EIF3A: variants seen among roughly 807,000 people sequenced by gnomAD.
EIF3A encodes the protein eukaryotic translation initiation factor 3 subunit A, also known as EIF3, p180 subunit.
EIF3A carries 21 observed loss-of-function variants against 186.6 expected under a neutral mutation model. That is an observed-to-expected ratio of 0.11 (90% CI 0.08 to 0.16). EIF3A has a LOEUF of 0.16. EIF3A is among the 10% of genes least tolerant of loss of function. The probability of loss-of-function intolerance (pLI) is 1.00; values close to 1 mark genes in which losing one functional copy is unlikely to be tolerated. For synonymous variants in EIF3A, 563 were observed against 584.3 expected (o/e 0.96, Z 0.52); for missense variants, 1,306 against 1,796.3 (o/e 0.73, Z 4.93).
At chr10:119,059,155 A>G (rs1182456737) in intron 11 of EIF3A, 57 bp downstream of exon 11, 7 of 1,371,558 alleles carry the variant, frequency 5.1e-6, no homozygotes, top group Non-Finnish European at 7.2e-6. Flanking sequence ...AAGACATGGC[A>G]TGGCGTTAAG....
chr10:119,065,104 A>C (rs1393503873), intron 7 of EIF3A, among the ~76,000 whole-genome samples: 2 of 152,156 alleles, frequency 1.3e-5, no homozygotes, highest in Non-Finnish European at 2.9e-5. Flanking sequence ...AGCCTCCATG[A>C]AATAAGCCAT....
At position 119,042,788 on chromosome 10, in the gene EIF3A, A is replaced by C; in HGVS notation, c.2748-16T>G. The C allele has an allele frequency of 6.5e-7, 1 of 1,545,674 alleles. No individual in the cohort carries two copies. The highest frequency in any genetic ancestry group is 8.7e-7 in the Non-Finnish European group (1 of 1,153,928). On this transcript the variant is annotated splice_polypyrimidine_tract_variant and intron_variant, in intron 18 of 21. Coordinates refer to ENST00000369144, the MANE Select transcript of EIF3A (RefSeq NM_003750.4). This position sits in a 1 kb window ranked among gnomAD's most constrained non-coding sequence, Gnocchi z 7.8. ...TCTCCACTCCCTACACAGCAACAAG[A>C]ACAATTAAAAATATATAAAATAAAA...
chr10:119,076,853 T>A (rs1300672235), intron 1 of EIF3A, among the ~76,000 whole-genome samples: 1 of 150,486 alleles, frequency 6.6e-6, no homozygotes, highest in East Asian at 2.0e-4. Flanking sequence ...TTAGAATCAC[T>A]TGAACCCAGG....
At chr10:119,072,742 A>T in intron 4 of EIF3A, 148 bp downstream of exon 4, 1 of 961,742 alleles carries the variant, frequency 1.0e-6, no homozygotes, top group Non-Finnish European at 1.5e-6. Context: ...GGTGTGAGCC[A>T]CCACATCCGG....
chr10:119,046,007 A>T (rs149051397), intron 17 of EIF3A, among the ~76,000 whole-genome samples: 1 of 152,246 alleles, frequency 6.6e-6, no homozygotes, highest in South Asian at 2.1e-4. Flanking sequence ...TAACAGAGCA[A>T]GAACAGAGAA....
At chr10:119,065,610 T>A in intron 6 of EIF3A, 40 bp from the exon 7 acceptor site, 1 of 1,441,770 alleles carries the variant, frequency 6.9e-7, no homozygotes, top group African/African-American at 1.4e-5. Context: ...GGTTTGTAAA[T>A]GATACTTGGT....
intron 11 of EIF3A, 78 bp downstream of exon 11, chr10:119,059,134 C>A: frequency 2.5e-6 from 3 of 1,181,458 alleles, no homozygotes; most frequent in Non-Finnish European, 3.7e-6. Flanking sequence ...TTGTCTCAAA[C>A]CTTTTTGTAA....
At chr10:119,066,716 TG>T (rs746591200) in intron 6 of EIF3A, among the ~76,000 whole-genome samples, 3 of 152,040 alleles carry the variant, frequency 2.0e-5, no homozygotes, top group Non-Finnish European at 2.9e-5. Flanking sequence ...CTGCGAGCCC[TG>T]GAGCTGAAGG....
Position 119,056,771 on chromosome 10 carries a change from A to G in EIF3A, c.2165T>C (p.Met722Thr), listed in dbSNP as rs1485265610. The G allele has an allele frequency of 1.2e-6, 2 of 1,612,220 alleles. No homozygotes were observed. The highest frequency in any genetic ancestry group is 1.7e-6 in the Non-Finnish European group (2 of 1,178,562). The part of the protein sequence containing the change: ...SAYEEQRIKD[M>T]DLWEQQEEER... ...TTCCTCTTGTTGCTCCCACAGATCC[A>G]TGTCTTTAATTCTCTGTTCCTCGTA... Residue 722 changes from methionine (M) to threonine (T), a missense_variant, in exon 14 of 22, where the codon ATG becomes ACG. By Grantham distance (81) the Met-to-Thr change is moderately conservative. Transcript: ENST00000369144.
chr10:119,072,024 C>CAAAAAAAAAAAAAAAAAA (rs56100757), intron 4 of EIF3A, among the ~76,000 whole-genome samples: 9 of 59,464 alleles, frequency 1.5e-4, no homozygotes, highest in East Asian at 5.0e-4. Context: ...GACTCTGTCT[C>CAAAAAAAAAAAAAAAAAA]AAAAAAAAAA....
intron 1 of EIF3A, among the ~76,000 whole-genome samples, chr10:119,075,964 G>C (rs1279992842): frequency 1.5e-5 from 2 of 134,776 alleles, no homozygotes; most frequent in Non-Finnish European, 3.1e-5. Flanking sequence ...CTGACCTCGT[G>C]ATCTGCCCAC....
chr10:119,049,062 A>G (rs1413476872), intron 17 of EIF3A, among the ~76,000 whole-genome samples: 2 of 152,224 alleles, frequency 1.3e-5, no homozygotes, highest in South Asian at 2.1e-4. Context: ...CGCATGCGCA[A>G]AAGTATGCTT....
chr10:119,069,777 G>T (rs1017696791), intron 5 of EIF3A, 123 bp from the exon 6 acceptor site: 1 of 623,474 alleles, frequency 1.6e-6, no homozygotes, highest in Non-Finnish European at 2.8e-6. Context: ...CCTTTGTGTG[G>T]TTCTCTTTAC....
In EIF3A at chr10:119,037,217, C is replaced by T. The variant is rs368318464; in HGVS notation, c.3821G>A (p.Arg1274His). The change falls in exon 21 of 22, where the codon CGC (arginine) becomes CAC (histidine). Residue 1274 changes from arginine to histidine, a missense_variant. By Grantham distance (29) the Arg-to-His change is conservative. Around this residue, in one of 8 missense-constraint regions of EIF3A, gnomAD observed 331 missense variants for 365.8 expected, o/e 0.90. Transcript: ENST00000369144. Reference protein sequence around the residue: ...RRDDRDRDDRRRERDDRRDLR... With the variant: ...RRDDRDRDDRHRERDDRRDLR... ...ATCACGCCGGTCATCCCTCTCACGGCGACGGTCATCCCTATCCCTATCGTC... is the reference window on the plus strand; with the variant it reads ...ATCACGCCGGTCATCCCTCTCACGGTGACGGTCATCCCTATCCCTATCGTC... 9.9e-6 allele frequency: 16 copies of T among 1,613,900 alleles called. No individual in the cohort carries two copies. The highest frequency in any genetic ancestry group is 6.6e-5 in the South Asian group (6 of 91,078).
At chr10:119,065,985 G>GGC (rs1779355367) in intron 6 of EIF3A, among the ~76,000 whole-genome samples, 1 of 151,948 alleles carries the variant, frequency 6.6e-6, no homozygotes, top group African/African-American at 2.4e-5. Flanking sequence ...GCGTAGTGGT[G>GGC]GGCGCCTGTA....
intron 6 of EIF3A, among the ~76,000 whole-genome samples, chr10:119,068,708 G>C (rs1844021175): frequency 6.6e-6 from 1 of 151,702 alleles, no homozygotes; most frequent in African/African-American, 2.4e-5. Context: ...AGGCGCGGTG[G>C]CTCACTCCTG....
chr10:119,056,972 T>C lies in EIF3A; in HGVS notation c.2046A>G (p.Lys682=). The change falls in exon 13 of 22, where the codon AAA becomes AAG. Residue 682 remains lysine (K), a synonymous_variant. Transcript: ENST00000369144. ...KQVEQLEKEK[K]ELQERLKNQE... Reference sequence around the variant, plus strand: ...GATTCTTTAGGCGTTCTTGAAGTTCTTTCTTTTCTTTCTCCAGTTGTTCAA... The same window carrying C: ...GATTCTTTAGGCGTTCTTGAAGTTCCTTCTTTTCTTTCTCCAGTTGTTCAA... 1 of 1,613,332 alleles carries C rather than the reference T, an allele frequency of 6.2e-7. No individual in the cohort carries two copies. The highest frequency in any genetic ancestry group is 8.5e-7 in the Non-Finnish European group (1 of 1,179,662).
At chr10:119,061,411 G>A in intron 7 of EIF3A, 83 bp from the exon 8 acceptor site, 2 of 566,328 alleles carry the variant, frequency 3.5e-6, no homozygotes, top group South Asian at 2.7e-5. Flanking sequence ...TGATAGCATT[G>A]GAAATCTGGA....
chr10:119,049,968 G>T lies in EIF3A; in HGVS notation c.2491C>A (p.Arg831Ser), dbSNP rs759307585. 1 of 1,613,818 alleles carries T rather than the reference G, an allele frequency of 6.2e-7. No individual in the cohort carries two copies. The highest frequency in any genetic ancestry group is 1.7e-5 in the Admixed American group (1 of 59,976). ...TCCTCGCGTTTTGCTCGTTCGGCGCGCTCTCTCTCTTCCCGCTCTAGACCA... is the reference window on the plus strand; with the variant it reads ...TCCTCGCGTTTTGCTCGTTCGGCGCTCTCTCTCTCTTCCCGCTCTAGACCA... ...QMLKEREERE[R>S]AERAKREEEL... The change falls in exon 17 of 22, where the codon CGC becomes AGC. Residue 831 changes from arginine (R) to serine (S), a missense_variant. Physicochemically the swap from Arg to Ser is moderately radical, Grantham distance 110 (BLOSUM62 -1). This residue lies in a region of EIF3A where 410 missense variants were observed against 473.5 expected (regional missense o/e 0.87). Transcript: ENST00000369144.
Sources: allele counts gnomAD v4.1 joint callset (sites outside exome capture counted in the v4.1 genomes callset), GRCh38; gene constraint gnomAD v4.1.1; regional missense constraint gnomAD v4.1.1; non-coding constraint Gnocchi (gnomAD v3.1); transcripts MANE v1.5; gene names NCBI Gene and HGNC (gene_info 2026-07-23, HGNC 2026-07-21).